The following SORBS2 variants were observed in gnomAD, a reference collection of about 807,000 sequenced individuals.
The protein encoded by SORBS2 is sorbin and SH3 domain containing 2.
A neutral mutation model predicts 97.7 loss-of-function variants in SORBS2; 46 were observed. That is an observed-to-expected ratio of 0.47 (90% CI 0.37 to 0.60). The LOEUF (loss-of-function observed/expected upper bound fraction) is 0.60, where lower values mean the gene tolerates loss of function less well. Among genes scored for constraint, SORBS2 ranks in the 20% least tolerant of loss-of-function variants. SORBS2 has a pLI of 0.00. For synonymous variants in SORBS2, 476 were observed against 473.4 expected (o/e 1.01, Z -0.07); for missense variants, 1,316 against 1,282.3 (o/e 1.03, Z -0.40).
At chr4:185,932,088 G>GTATATATAA (rs1339953169) in intron 1 of SORBS2, among the ~76,000 whole-genome samples, 2 of 151,352 alleles carry the variant, frequency 1.3e-5, no homozygotes, top group Non-Finnish European at 2.9e-5. Flanking sequence ...TTATATATGT[G>GTATATATAA]TGTGTTTATT....
At chr4:185,857,583 C>G (rs1020096222) in intron 1 of SORBS2, among the ~76,000 whole-genome samples, 1 of 152,152 alleles carries the variant, frequency 6.6e-6, no homozygotes, top group African/African-American at 2.4e-5. Flanking sequence ...GGTCTGACTG[C>G]CTGTGGGGTT....
intron 1 of SORBS2, among the ~76,000 whole-genome samples, chr4:185,801,678 C>A (rs1174756657): frequency 6.7e-6 from 1 of 150,034 alleles, no homozygotes; most frequent in Non-Finnish European, 1.5e-5. Context: ...CTCTCTCTCT[C>A]TCTCTCTCTC....
Position 185,752,830 on chromosome 4 carries a change from G to A in SORBS2, c.-198+22397C>T, listed in dbSNP as rs190268079. Among the ~76,000 whole-genome samples the A allele has an allele frequency of 9.2e-5, 14 of 152,276 alleles. No individual in the cohort carries two copies. In the East Asian group the frequency reaches 2.5e-3, roughly 27 times the overall value. Reference sequence around the variant, plus strand: ...TTGCTAATGAATTCTGACCCATTTAGTCATGCAAAATATATATCCTGAAGA... The same window carrying A: ...TTGCTAATGAATTCTGACCCATTTAATCATGCAAAATATATATCCTGAAGA... On this transcript the variant is annotated intron_variant, in intron 2 of 20. Transcript: ENST00000284776.
At chr4:185,646,760 T>C (rs767888542) in exon 4 of SORBS2, 3 of 1,611,022 alleles carry the variant, frequency 1.9e-6, no homozygotes, top group South Asian at 1.1e-5. Flanking sequence ...TCCACTTTTC[T>C]GTCTGGAGGA....
intron 2 of SORBS2, among the ~76,000 whole-genome samples, chr4:185,710,536 A>C (rs1283860747): frequency 1.3e-5 from 2 of 152,164 alleles, no homozygotes; most frequent in Non-Finnish European, 2.9e-5. Flanking sequence ...GATGGAATGA[A>C]TGTGTTTTCT....
intron 1 of SORBS2, among the ~76,000 whole-genome samples, chr4:185,851,706 C>A (rs113360775): frequency 6.6e-6 from 1 of 152,056 alleles, no homozygotes; most frequent in African/African-American, 2.4e-5. Flanking sequence ...GCTGCCAGCA[C>A]GGCCAGAATA....
At chr4:185,831,426 A>G (rs1372882334) in intron 1 of SORBS2, among the ~76,000 whole-genome samples, 1 of 152,126 alleles carries the variant, frequency 6.6e-6, no homozygotes, top group African/African-American at 2.4e-5. Context: ...ATCACTCTTG[A>G]CCTTTTATCT....
intron 1 of SORBS2, among the ~76,000 whole-genome samples, chr4:185,820,227 GA>G (rs758073319): frequency 4.6e-5 from 7 of 152,180 alleles, no homozygotes; most frequent in Non-Finnish European, 7.3e-5. Context: ...CAGCAAAGGA[GA>G]AACAGGCACT....
rs997212828 is a variant in SORBS2, at chr4:185,852,703, C to T, written c.-337-77337G>A. Among the ~76,000 whole-genome samples, 8 of 152,158 alleles carry T rather than the reference C, an allele frequency of 5.3e-5. No individual in the cohort carries two copies. The East Asian group carries it at 1.3e-3, about 26-fold the overall frequency. The stretch of plus-strand genomic sequence containing the variant: ...GCGGTAGGTTATTCTGCTCACAGCT[C>T]TTTCTAATATTCAGTAGAGCGGGCT... On this transcript the variant is annotated intron_variant, in intron 1 of 20. Coordinates refer to the SORBS2 transcript ENST00000284776.
At position 185,803,457 on chromosome 4, in the gene SORBS2, C is replaced by T. The variant is rs549661041; in HGVS notation, c.-337-28091G>A. 1.8e-4 allele frequency among the ~76,000 whole-genome samples: 28 copies of T among 152,214 alleles called. 1 individual carries two copies. In the South Asian group the frequency reaches 4.2e-3, roughly 23 times the overall value. On this transcript the variant is annotated intron_variant, in intron 1 of 20. Coordinates refer to the SORBS2 transcript ENST00000284776. ...AGATCCAATCATTTTACCAGATAAC[C>T]GTCAATATAAAGCACTGACAGGACA... is the stretch of plus-strand genomic sequence containing the variant.
At chr4:185,703,082 T>A (rs2098288718) in intron 2 of SORBS2, among the ~76,000 whole-genome samples, 1 of 152,232 alleles carries the variant, frequency 6.6e-6, no homozygotes. Flanking sequence ...GCTGTCTCCC[T>A]CTTTGTTGTC....
At chr4:185,676,858 G>C in intron 4 of SORBS2, 1 of 678,424 alleles carries the variant, frequency 1.5e-6, no homozygotes, top group South Asian at 2.1e-5. Flanking sequence ...TTTTAAATTG[G>C]AAAATGGTTT....
intron 2 of SORBS2, among the ~76,000 whole-genome samples, chr4:185,746,109 C>G (rs1242392471): frequency 1.3e-5 from 2 of 152,200 alleles, no homozygotes; most frequent in Non-Finnish European, 2.9e-5. Flanking sequence ...GTAAGATTTA[C>G]AGGAGACAAT....
chr4:185,896,056 T>A (rs1196322058), intron 1 of SORBS2, among the ~76,000 whole-genome samples: 1 of 152,120 alleles, frequency 6.6e-6, no homozygotes, highest in Non-Finnish European at 1.5e-5. Context: ...AAGGATCAAA[T>A]GCTCATAGGC....
intron 2 of SORBS2, among the ~76,000 whole-genome samples, chr4:185,757,548 A>G (rs1413028651): frequency 6.6e-6 from 1 of 152,242 alleles, no homozygotes; most frequent in Non-Finnish European, 1.5e-5. Context: ...AGATATTAAA[A>G]TAGCATTTAT....
At chr4:185,953,874 C>T (rs903800426) in intron 1 of SORBS2, among the ~76,000 whole-genome samples, 6 of 152,248 alleles carry the variant, frequency 3.9e-5, no homozygotes, top group South Asian at 2.1e-4. Context: ...AGGGAGTAGG[C>T]GCAGAGCTGG....
intron 1 of SORBS2, among the ~76,000 whole-genome samples, chr4:185,653,050 A>G (rs1320616918): frequency 2.6e-5 from 4 of 152,206 alleles, no homozygotes; most frequent in African/African-American, 9.6e-5. Context: ...AATGTAAGTT[A>G]TTGTTGTACT....
chr4:185,599,612 G>C (rs188506484), intron 12 of SORBS2, among the ~76,000 whole-genome samples: 5 of 152,270 alleles, frequency 3.3e-5, no homozygotes, highest in African/African-American at 9.6e-5. Flanking sequence ...GTGTGAGTTC[G>C]GCACTGTAGA....
exon 1 of SORBS2, chr4:185,656,809 TA>T (rs994378521): frequency 1.2e-4 from 163 of 1,389,382 alleles, no homozygotes; most frequent in East Asian, 4.3e-4. Flanking sequence ...TTTTAAAACT[TA>T]AAAAAAAATC....
Sources: allele counts gnomAD v4.1 joint callset (sites outside exome capture counted in the v4.1 genomes callset), GRCh38; gene constraint gnomAD v4.1.1; transcripts MANE v1.5; gene names NCBI Gene and HGNC (gene_info 2026-07-23, HGNC 2026-07-21).